Variants in ANKIB1 observed in about 807,000 individuals in gnomAD.
The protein encoded by ANKIB1 is ankyrin repeat and IBR domain-containing protein 1.
ANKIB1 carries 43 observed loss-of-function variants against 122.1 expected under a neutral mutation model. That is an observed-to-expected ratio of 0.35 (90% confidence interval 0.28 to 0.45). The LOEUF (loss-of-function observed/expected upper bound fraction) is 0.45. Ranked by LOEUF, ANKIB1 falls within the 20% of genes least tolerant of loss-of-function variation. The pLI is 1.00. For synonymous variants in ANKIB1, 390 were observed against 442.0 expected, an observed-to-expected ratio of 0.88 and a Z score of 1.48; for missense variants, 992 against 1,329.5, an observed-to-expected ratio of 0.75 and a Z score of 3.95.
intron 1 of ANKIB1, among the ~76,000 whole-genome samples, chr7:92,282,920 G>T (rs185609365): frequency 6.6e-6 from 1 of 152,080 alleles, no homozygotes; most frequent in Admixed American, 6.6e-5. Flanking sequence ...TCCAAGTTTC[G>T]ACAGTTTTCT....
At chr7:92,373,948 G>T (rs1330809529) in intron 11 of ANKIB1, among the ~76,000 whole-genome samples, 1 of 152,042 alleles carries the variant, frequency 6.6e-6, no homozygotes, top group African/African-American at 2.4e-5. Context: ...ATAACTGTAT[G>T]CTATAACGTT....
intron 1 of ANKIB1, among the ~76,000 whole-genome samples, chr7:92,275,694 A>T (rs960708142): frequency 6.6e-6 from 1 of 152,186 alleles, no homozygotes; most frequent in Admixed American, 6.5e-5. Flanking sequence ...AGAAGTGCAC[A>T]AACTAAATGG....
At chr7:92,249,934 A>T (rs1201184090) in intron 1 of ANKIB1, among the ~76,000 whole-genome samples, 1 of 152,212 alleles carries the variant, frequency 6.6e-6, no homozygotes, top group African/African-American at 2.4e-5. Context: ...TCTTGTGTAT[A>T]GTATTACTGG....
intron 9 of ANKIB1, among the ~76,000 whole-genome samples, chr7:92,359,255 T>C (rs1394684166): frequency 6.6e-6 from 1 of 152,214 alleles, no homozygotes; most frequent in Non-Finnish European, 1.5e-5. Flanking sequence ...CAGTGTGTGA[T>C]GTTCCCCACC....
At chr7:92,315,621 A>G (rs1802779779) in intron 3 of ANKIB1, among the ~76,000 whole-genome samples, 1 of 152,216 alleles carries the variant, frequency 6.6e-6, no homozygotes, top group African/African-American at 2.4e-5. Flanking sequence ...CAAAGATGCA[A>G]GAGAAGAATT....
At chr7:92,382,598 C>A (rs1277120878) in intron 11 of ANKIB1, among the ~76,000 whole-genome samples, 1 of 152,188 alleles carries the variant, frequency 6.6e-6, no homozygotes, top group African/African-American at 2.4e-5. Context: ...CTCAAAACCG[C>A]ACAACTACAT....
At chr7:92,364,722 T>C (rs540483745) in intron 10 of ANKIB1, among the ~76,000 whole-genome samples, 2 of 152,310 alleles carry the variant, frequency 1.3e-5, no homozygotes, top group African/African-American at 4.8e-5. Flanking sequence ...ATCCTCCTAA[T>C]AGAATAAGCC....
intron 17 of ANKIB1, among the ~76,000 whole-genome samples, chr7:92,393,533 A>G (rs577874508): frequency 6.6e-6 from 1 of 152,214 alleles, no homozygotes; most frequent in African/African-American, 2.4e-5. Flanking sequence ...TCCGTGTTTT[A>G]AGGTAGAAAC....
chr7:92,391,382 C>T (rs573317810), intron 16 of ANKIB1, 38 bp downstream of exon 16: 2 of 1,450,552 alleles, frequency 1.4e-6, no homozygotes, highest in East Asian at 2.5e-5. Context: ...ATCCTAGCTC[C>T]AGCCACAAAT....
intron 11 of ANKIB1, among the ~76,000 whole-genome samples, chr7:92,373,181 T>C (rs537842327): frequency 6.6e-6 from 1 of 152,308 alleles, no homozygotes; most frequent in South Asian, 2.1e-4. Flanking sequence ...ATTGTTCAGC[T>C]AAGGATCCAG....
chr7:92,309,942 A>AAATATATATATATATATATAT (rs1335765681), intron 3 of ANKIB1, among the ~76,000 whole-genome samples: 1 of 91,818 alleles, frequency 1.1e-5, no homozygotes, highest in East Asian at 4.6e-4. Flanking sequence ...AAAAAAAAAA[A>AAATATATATATATATATATAT]ATATATATAT....
intron 1 of ANKIB1, 143 bp downstream of exon 1, chr7:92,246,662 C>G: frequency 2.2e-6 from 1 of 445,914 alleles, no homozygotes; most frequent in Non-Finnish European, 4.5e-6. Flanking sequence ...GTTGTTCTGT[C>G]TGTCCCCATC....
intron 9 of ANKIB1, among the ~76,000 whole-genome samples, chr7:92,355,155 C>T (rs927255785): frequency 2.0e-5 from 3 of 152,164 alleles, no homozygotes; most frequent in Non-Finnish European, 4.4e-5. Context: ...GGTTTCTCCC[C>T]CTAGCCTTTA....
intron 9 of ANKIB1, among the ~76,000 whole-genome samples, chr7:92,361,977 T>A (rs940748213): frequency 6.6e-6 from 1 of 152,086 alleles, no homozygotes; most frequent in Non-Finnish European, 1.5e-5. Context: ...GCCCGACTAA[T>A]TTTTTGTATT....
intron 5 of ANKIB1, among the ~76,000 whole-genome samples, chr7:92,330,783 A>G (rs1388131250): frequency 2.0e-5 from 3 of 152,188 alleles, no homozygotes; most frequent in East Asian, 1.9e-4. Flanking sequence ...TGGAGCTTGC[A>G]GTGAGTGGAG....
rs762401711 is a variant in ANKIB1 at position 92,398,439 on chromosome 7, C to A, written c.2760C>A (p.Asp920Glu). ...GCTCTGAGCTTTTGGAACTTGGTGA[C>A]AGCCTCATGAGACTAGGAGCAGAGA... ...LSSSELLELG[D>E]SLMRLGAEND... Residue 920 changes from aspartate to glutamate, a missense_variant, in exon 20 of 20, where the codon GAC becomes GAA. This residue lies in a region of ANKIB1 where 384 missense variants were observed against 412.0 expected (regional missense o/e 0.93). Transcript: ENST00000265742. 1.2e-6 allele frequency: 2 copies of A among 1,613,740 alleles called. No individual in the cohort carries two copies. Among genetic ancestry groups the A allele is most frequent in the Middle Eastern group, 1.6e-4 (1 of 6,084 alleles).
At chr7:92,371,453 G>A (rs1430156798) in intron 10 of ANKIB1, 24 bp from the exon 11 acceptor site, 10 of 1,585,026 alleles carry the variant, frequency 6.3e-6, no homozygotes, top group Non-Finnish European at 8.6e-6. Context: ...ATTTATTTTT[G>A]TGATTGTGTT....
chr7:92,399,139 G>T lies in ANKIB1; in HGVS notation c.*190G>T. 2.0e-6 allele frequency: 1 copy of T among 511,012 alleles called. No individual in the cohort carries two copies. 31.7% of individuals were successfully genotyped at this position (511,012 alleles called of 1,614,324 possible). Reference sequence around the variant, plus strand: ...TTTAACCTTACAGGGAATTTCCTTTGTACTTAATTGAATAGCTTTTCCCCT... The same window carrying T: ...TTTAACCTTACAGGGAATTTCCTTTTTACTTAATTGAATAGCTTTTCCCCT... On this transcript the variant is annotated 3_prime_UTR_variant, in exon 20 of 20. Coordinates refer to ENST00000265742, the MANE Select transcript of ANKIB1 (RefSeq NM_019004.2).
intron 2 of ANKIB1, among the ~76,000 whole-genome samples, chr7:92,304,619 A>C (rs757122478): frequency 1.3e-5 from 2 of 152,188 alleles, no homozygotes; most frequent in Non-Finnish European, 2.9e-5. Context: ...TATTTACAGA[A>C]TCAGATAGCT....
Sources: allele counts gnomAD v4.1 joint callset (sites outside exome capture counted in the v4.1 genomes callset), GRCh38; gene constraint gnomAD v4.1.1; regional missense constraint gnomAD v4.1.1; transcripts MANE v1.5; gene names NCBI Gene and HGNC (gene_info 2026-07-23, HGNC 2026-07-21).